Variants in HPSE2 observed in about 807,000 individuals in gnomAD.
HPSE2 encodes the protein inactive heparanase-2.
A neutral mutation model predicts 60.5 loss-of-function variants in HPSE2; 38 were observed. The ratio of observed to expected loss-of-function variants is 0.63; its 90% CI spans 0.48 to 0.82. HPSE2 has a LOEUF of 0.82. HPSE2 is among the 40% of genes least tolerant of loss of function. The pLI is 0.00. For synonymous variants in HPSE2, 295 were observed against 293.2 expected, an observed-to-expected ratio of 1.01 and a Z score of -0.06; for missense variants, 713 against 740.4, an observed-to-expected ratio of 0.96 and a Z score of 0.43.
intron 3 of HPSE2, among the ~76,000 whole-genome samples, chr10:99,097,525 T>C (rs1589650057): frequency 1.3e-5 from 2 of 152,300 alleles, no homozygotes; most frequent in Non-Finnish European, 1.5e-5. Context: ...AATTTAAGCA[T>C]CTCTGTTAAC....
At chr10:99,121,076 C>G (rs117269431) in intron 3 of HPSE2, among the ~76,000 whole-genome samples, 1 of 152,056 alleles carries the variant, frequency 6.6e-6, no homozygotes, top group Non-Finnish European at 1.5e-5. Flanking sequence ...CAATGGTAGA[C>G]AGAATAAAGA....
At chr10:99,116,873 A>G (rs1416824258) in intron 3 of HPSE2, among the ~76,000 whole-genome samples, 1 of 152,164 alleles carries the variant, frequency 6.6e-6, no homozygotes, top group Admixed American at 6.5e-5. Context: ...TATATGGCTC[A>G]GGAACTGAAA....
intron 3 of HPSE2, among the ~76,000 whole-genome samples, chr10:98,755,976 C>T (rs1949869932): frequency 6.6e-6 from 1 of 152,058 alleles, no homozygotes; most frequent in Admixed American, 6.6e-5. Context: ...AGCCTGGCAA[C>T]AGAGAGAGAT....
chr10:99,026,304 C>G (rs751617313), intron 3 of HPSE2, among the ~76,000 whole-genome samples: 4 of 151,804 alleles, frequency 2.6e-5, no homozygotes, highest in Non-Finnish European at 5.9e-5. Context: ...CCAGTGGAAA[C>G]CAATAAAAAG....
At chr10:98,781,556 G>A (rs1193164915) in intron 3 of HPSE2, among the ~76,000 whole-genome samples, 5 of 152,258 alleles carry the variant, frequency 3.3e-5, no homozygotes, top group Non-Finnish European at 7.4e-5. Flanking sequence ...GGCAAAAGAC[G>A]TAAGCAAGTA....
chr10:98,655,880 A>C (rs1001139559), intron 6 of HPSE2, among the ~76,000 whole-genome samples: 1 of 152,178 alleles, frequency 6.6e-6, no homozygotes, highest in African/African-American at 2.4e-5. Context: ...TTCCAGATCC[A>C]AGACTCAAGG....
At chr10:98,739,402 A>G (rs7092275) in intron 4 of HPSE2, among the ~76,000 whole-genome samples, 63,772 of 151,146 alleles carry the variant, frequency 0.42, 14,964 homozygotes, top group South Asian at 0.56. Flanking sequence ...GCAAACCACC[A>G]TGGCACATGT....
At chr10:98,525,689 G>A (rs1003723483) in intron 9 of HPSE2, among the ~76,000 whole-genome samples, 1 of 152,142 alleles carries the variant, frequency 6.6e-6, no homozygotes, top group African/African-American at 2.4e-5. Context: ...ATTTACCTGG[G>A]TGGCCTTTGG....
chr10:98,600,892 C>T (rs61883380), intron 9 of HPSE2, among the ~76,000 whole-genome samples: 34 of 18,120 alleles, frequency 1.9e-3, no homozygotes, highest in Admixed American at 6.0e-3. Flanking sequence ...TACATATATA[C>T]GTATATATAT....
chr10:99,192,943 T>G (rs1848271647), intron 2 of HPSE2, among the ~76,000 whole-genome samples: 1 of 152,108 alleles, frequency 6.6e-6, no homozygotes, highest in Non-Finnish European at 1.5e-5. Context: ...AGAAAACATC[T>G]GAAAGTAGAA....
At chr10:99,190,341 GTATC>G (rs1286681409) in intron 2 of HPSE2, among the ~76,000 whole-genome samples, 1 of 152,036 alleles carries the variant, frequency 6.6e-6, no homozygotes, top group Non-Finnish European at 1.5e-5. Context: ...CTTAGTTTCC[GTATC>G]TATCTATAAT....
intron 9 of HPSE2, among the ~76,000 whole-genome samples, chr10:98,565,021 G>C (rs1367064850): frequency 2.6e-5 from 4 of 151,350 alleles, no homozygotes; most frequent in African/African-American, 9.8e-5. Context: ...ATATTACTTG[G>C]TACTTAGCAG....
At chr10:98,880,268 T>C (rs1348431510) in intron 3 of HPSE2, among the ~76,000 whole-genome samples, 1 of 152,074 alleles carries the variant, frequency 6.6e-6, no homozygotes, top group Admixed American at 6.6e-5. Context: ...CTCCTTTAGG[T>C]TGCCACGGTG....
chr10:99,275,116 A>G, the HPSE2 span, among the ~76,000 whole-genome samples: 54 of 152,352 alleles, frequency 3.5e-4, no homozygotes, highest in Admixed American at 1.1e-3. Flanking sequence ...CAAATTTAGA[A>G]AACAGTTCCC....
rs181619899 is a variant in HPSE2 at position 99,048,744 on chromosome 10, A to G, written c.610+95494T>C. 3.4e-3 allele frequency among the ~76,000 whole-genome samples: 515 copies of G among 152,320 alleles called. 2 individuals carry two copies. Among genetic ancestry groups the G allele is most frequent in the African/African-American group, 0.012 (491 of 41,570 alleles). ...CCATTACTAGGTATATACCCAAAGG[A>G]AAATAGATCATTATACAAAAAGACA... On this transcript the variant is annotated intron_variant, in intron 3 of 11. Transcript: ENST00000370552.
chr10:98,944,060 AC>A, intron 3 of HPSE2, among the ~76,000 whole-genome samples: 1 of 152,210 alleles, frequency 6.6e-6, no homozygotes, highest in East Asian at 1.9e-4. Context: ...AGGGTTGAGG[AC>A]CAAAATCCCA....
the HPSE2 span, among the ~76,000 whole-genome samples, chr10:99,282,707 T>G: frequency 6.6e-6 from 1 of 152,064 alleles, no homozygotes; most frequent in Non-Finnish European, 1.5e-5. Flanking sequence ...AAAGGAAAAC[T>G]GGAAAATTCA....
At chr10:99,008,333 C>A (rs1956937006) in intron 3 of HPSE2, among the ~76,000 whole-genome samples, 1 of 152,162 alleles carries the variant, frequency 6.6e-6, no homozygotes, top group Non-Finnish European at 1.5e-5. Flanking sequence ...ATAAAAAGCA[C>A]TTAATTTAAT....
chr10:98,612,773 C>A (rs1427349164), intron 9 of HPSE2, among the ~76,000 whole-genome samples: 2 of 152,166 alleles, frequency 1.3e-5, no homozygotes, highest in Non-Finnish European at 2.9e-5. Context: ...GTGAATTATG[C>A]CAAGGTGATC....
Sources: gnomAD v4.1 joint callset for allele counts (sites outside exome capture counted in the v4.1 genomes callset) on GRCh38, gnomAD v4.1.1 for gene constraint, MANE v1.5 for transcripts, NCBI Gene and HGNC (gene_info 2026-07-23, HGNC 2026-07-21) for gene names.